Variants in FRMD4B observed in about 807,000 individuals in gnomAD.
The protein encoded by FRMD4B is FERM domain-containing protein 4B.
A neutral mutation model predicts 141.5 loss-of-function variants in FRMD4B; 74 were observed. The observed-to-expected ratio is 0.52, with a 90% CI of 0.43 to 0.63. FRMD4B has a LOEUF of 0.63. Ranked by LOEUF, FRMD4B falls within the 30% of genes least tolerant of loss-of-function variation. FRMD4B has a pLI of 0.00. For synonymous variants in FRMD4B, 506 were observed against 467.9 expected (o/e 1.08, Z -1.05); for missense variants, 1,366 against 1,253.4 (o/e 1.09, Z -1.36).
intron 1 of FRMD4B, among the ~76,000 whole-genome samples, chr3:69,478,874 T>C (rs1270500186): frequency 2.0e-5 from 3 of 151,966 alleles, no homozygotes; most frequent in African/African-American, 7.2e-5. Context: ...ACTTGCTTTA[T>C]GAATCTGGGT....
chr3:69,338,238 A>G (rs1303782515), intron 1 of FRMD4B, among the ~76,000 whole-genome samples: 6 of 152,154 alleles, frequency 3.9e-5, no homozygotes, highest in Non-Finnish European at 8.8e-5. Flanking sequence ...GTTCTCATTC[A>G]TAGGTGGGAA....
At chr3:69,212,277 T>C (rs1036420024) in intron 11 of FRMD4B, among the ~76,000 whole-genome samples, 5 of 134,238 alleles carry the variant, frequency 3.7e-5, no homozygotes, top group African/African-American at 1.4e-4. Context: ...GGAGAATCAC[T>C]TGAACCCAGG....
chr3:69,351,825 T>C (rs1006739042), intron 1 of FRMD4B, among the ~76,000 whole-genome samples: 1 of 152,200 alleles, frequency 6.6e-6, no homozygotes, highest in African/African-American at 2.4e-5. Context: ...AGTAACAGAA[T>C]GAGGAGATTG....
At chr3:69,370,650 T>C (rs925542576) in intron 1 of FRMD4B, among the ~76,000 whole-genome samples, 8 of 152,240 alleles carry the variant, frequency 5.3e-5, no homozygotes, top group African/African-American at 1.9e-4. Context: ...TTTCCCCACA[T>C]GAGGTTTCTA....
chr3:69,406,467 T>C (rs548598755), intron 2 of FRMD4B, among the ~76,000 whole-genome samples: 2 of 152,326 alleles, frequency 1.3e-5, no homozygotes, highest in Middle Eastern at 3.4e-3. Flanking sequence ...CCCCACCAAC[T>C]GATCCTTTAA....
intron 5 of FRMD4B, among the ~76,000 whole-genome samples, chr3:69,286,413 T>C (rs558424582): frequency 2.0e-5 from 3 of 152,358 alleles, no homozygotes; most frequent in Non-Finnish European, 2.9e-5. Context: ...AAGATTCTTA[T>C]GCTACATGTG....
intron 1 of FRMD4B, among the ~76,000 whole-genome samples, chr3:69,501,921 C>T (rs1706504174): frequency 6.6e-6 from 1 of 152,156 alleles, no homozygotes; most frequent in Non-Finnish European, 1.5e-5. Flanking sequence ...TGAGTGAATT[C>T]CCGTTCACAA....
At chr3:69,498,532 T>A (rs1706441238) in intron 1 of FRMD4B, among the ~76,000 whole-genome samples, 1 of 152,194 alleles carries the variant, frequency 6.6e-6, no homozygotes, top group African/African-American at 2.4e-5. Context: ...GTATTGAGCT[T>A]AGAAGTATTT....
At chr3:69,269,877 C>T (rs2093586402) in intron 5 of FRMD4B, among the ~76,000 whole-genome samples, 1 of 152,256 alleles carries the variant, frequency 6.6e-6, no homozygotes, top group Non-Finnish European at 1.5e-5. Flanking sequence ...GCCTCAGCCT[C>T]CCAAAGTGCT....
chr3:69,235,681 A>T (rs2093341140), intron 7 of FRMD4B, among the ~76,000 whole-genome samples: 1 of 152,062 alleles, frequency 6.6e-6, no homozygotes, highest in African/African-American at 2.4e-5. Context: ...AGAAAGGAAA[A>T]AAAAAAAGAA....
chr3:69,486,933 C>T (rs577460375), intron 1 of FRMD4B, among the ~76,000 whole-genome samples: 3 of 152,308 alleles, frequency 2.0e-5, no homozygotes, highest in African/African-American at 7.2e-5. Context: ...AAAGACAAAA[C>T]ATGCCCCTGC....
At chr3:69,473,212 C>G (rs1705926141) in intron 1 of FRMD4B, among the ~76,000 whole-genome samples, 1 of 152,024 alleles carries the variant, frequency 6.6e-6, no homozygotes, top group Admixed American at 6.6e-5. Flanking sequence ...TTGGCCTTCT[C>G]TCTTCCTATA....
At chr3:69,398,166 C>T (rs72937880) in intron 2 of FRMD4B, among the ~76,000 whole-genome samples, 5,618 of 152,164 alleles carry the variant, frequency 0.037, 351 homozygotes, top group African/African-American at 0.13. Context: ...GTACTGATTT[C>T]TGAGTTCTGA....
intron 1 of FRMD4B, among the ~76,000 whole-genome samples, chr3:69,354,945 A>G (rs981720295): frequency 3.3e-5 from 5 of 152,130 alleles, no homozygotes; most frequent in African/African-American, 1.2e-4. Context: ...TGACCTCCCA[A>G]TTGGACGGGT....
rs574551243 is a variant in FRMD4B, at chr3:69,411,952, T to C, written c.-1+20682A>G. ...TGAGTGTTCAGAAATACAGCAGGAA[T>C]ATTACCCACTTGCTAATCTAGCTAG... On this transcript the variant is annotated intron_variant, in intron 2 of 5. Coordinates refer to the FRMD4B transcript ENST00000459638. Among the ~76,000 whole-genome samples, 201 of 152,350 alleles carry C rather than the reference T, an allele frequency of 1.3e-3. 1 individual carries two copies. Among genetic ancestry groups the C allele is most frequent in the African/African-American group, 4.4e-3 (184 of 41,588 alleles).
At chr3:69,459,235 T>G (rs149515572) in intron 1 of FRMD4B, among the ~76,000 whole-genome samples, 1 of 152,234 alleles carries the variant, frequency 6.6e-6, no homozygotes, top group South Asian at 2.1e-4. Context: ...GGTTCTCTGC[T>G]TCCTACTTCA....
At chr3:69,398,294 C>A (rs968725207) in intron 2 of FRMD4B, among the ~76,000 whole-genome samples, 1 of 152,058 alleles carries the variant, frequency 6.6e-6, no homozygotes, top group Non-Finnish European at 1.5e-5. Flanking sequence ...ATAATAATTA[C>A]ATATTTATGG....
At chr3:69,176,901 G>C (rs554075192) in intron 21 of FRMD4B, among the ~76,000 whole-genome samples, 2 of 152,128 alleles carry the variant, frequency 1.3e-5, no homozygotes, top group East Asian at 3.9e-4. Flanking sequence ...AATATATTCT[G>C]TATAGGTATG....
chr3:69,437,112 G>A (rs963401485), intron 1 of FRMD4B, among the ~76,000 whole-genome samples: 1 of 151,986 alleles, frequency 6.6e-6, no homozygotes, highest in Non-Finnish European at 1.5e-5. Flanking sequence ...TTACTCTGTC[G>A]CCCAGGCTGG....
Sources: gnomAD v4.1 joint callset for allele counts (sites outside exome capture counted in the v4.1 genomes callset) on GRCh38, gnomAD v4.1.1 for gene constraint, MANE v1.5 for transcripts, NCBI Gene and HGNC (gene_info 2026-07-23, HGNC 2026-07-21) for gene names.